Variants in TAMM41 observed in about 807,000 individuals in gnomAD.
TAMM41 encodes the protein TAM41 mitochondrial translocator assembly and maintenance homolog.
TAMM41 carries 36 observed loss-of-function variants against 44.1 expected under a neutral mutation model. The ratio of observed to expected loss-of-function variants is 0.82; its 90% CI spans 0.63 to 1.08. The LOEUF is 1.08. Among genes scored for constraint, TAMM41 ranks in the 50% least tolerant of loss-of-function variants. The probability of loss-of-function intolerance (pLI) is 0.00; values close to 1 mark genes in which losing one functional copy is unlikely to be tolerated. For missense variants in TAMM41, 417 were observed against 404.3 expected, an observed-to-expected ratio of 1.03 and a Z score of -0.27; for synonymous variants, 164 against 153.1, an observed-to-expected ratio of 1.07 and a Z score of -0.53.
At chr3:11,752,803 C>T in the TAMM41 span, among the ~76,000 whole-genome samples, 1 of 151,714 alleles carries the variant, frequency 6.6e-6, no homozygotes, top group African/African-American at 2.4e-5. Flanking sequence ...CGCATGCCAC[C>T]ATGGCTGGTT....
At chr3:11,778,190 G>T in the TAMM41 span, among the ~76,000 whole-genome samples, 27 of 152,110 alleles carry the variant, frequency 1.8e-4, no homozygotes, top group African/African-American at 6.5e-4. Flanking sequence ...ATATATACCT[G>T]GGAGTAGAAT....
chr3:11,754,202 G>GAA, the TAMM41 span, among the ~76,000 whole-genome samples: 2 of 151,866 alleles, frequency 1.3e-5, no homozygotes, highest in African/African-American at 4.8e-5. Flanking sequence ...CAAAACTTGC[G>GAA]CAAAGCCACC....
chr3:11,745,940 A>AC, the TAMM41 span, among the ~76,000 whole-genome samples: 1 of 152,344 alleles, frequency 6.6e-6, no homozygotes, highest in Admixed American at 6.5e-5. Context: ...GCCTGACAAT[A>AC]CCAAGTGTTG....
chr3:11,725,533 G>C, the TAMM41 span, among the ~76,000 whole-genome samples: 6 of 151,484 alleles, frequency 4.0e-5, no homozygotes, highest in African/African-American at 1.5e-4. Flanking sequence ...TAACCTCCTA[G>C]GCTCAGGTGA....
chr3:11,792,593 GAA>G (rs933006274), intron 7 of TAMM41, among the ~76,000 whole-genome samples: 10 of 152,296 alleles, frequency 6.6e-5, no homozygotes, highest in African/African-American at 1.9e-4. Flanking sequence ...AGATCAGAAT[GAA>G]GAGTCTTTTC....
chr3:11,825,839 T>C (rs981375212), intron 4 of TAMM41, among the ~76,000 whole-genome samples: 1 of 152,132 alleles, frequency 6.6e-6, no homozygotes, highest in Admixed American at 6.6e-5. Context: ...TTGCCCAGGC[T>C]GGAGTGCAGT....
chr3:11,740,092 C>CAAA, the TAMM41 span, among the ~76,000 whole-genome samples: 67 of 151,342 alleles, frequency 4.4e-4, no homozygotes, highest in South Asian at 8.4e-4. Flanking sequence ...CAAAACAAAA[C>CAAA]AAAAAAAACA....
At chr3:11,821,167 T>C (rs2078504223) in intron 4 of TAMM41, among the ~76,000 whole-genome samples, 1 of 152,322 alleles carries the variant, frequency 6.6e-6, no homozygotes, top group South Asian at 2.1e-4. Context: ...AATTTTTCCA[T>C]GGATGTGGGT....
At chr3:11,755,653 T>A in the TAMM41 span, among the ~76,000 whole-genome samples, 19 of 152,248 alleles carry the variant, frequency 1.2e-4, no homozygotes, top group African/African-American at 4.6e-4. Context: ...ATGACCCACA[T>A]GCACCGGATG....
chr3:11,729,649 C>T, the TAMM41 span, among the ~76,000 whole-genome samples: 2 of 147,642 alleles, frequency 1.4e-5, no homozygotes, highest in African/African-American at 5.0e-5. Flanking sequence ...CAACCTCCAC[C>T]TCCTGGTTCA....
At chr3:11,826,530 C>CAAAAA (rs11388352) in intron 4 of TAMM41, among the ~76,000 whole-genome samples, 9 of 62,214 alleles carry the variant, frequency 1.4e-4, no homozygotes, top group Admixed American at 4.2e-4. Flanking sequence ...CCTTGTCTCT[C>CAAAAA]AAAAAAAAAA....
the TAMM41 span, among the ~76,000 whole-genome samples, chr3:11,735,442 T>C: frequency 6.6e-6 from 1 of 151,936 alleles, no homozygotes; most frequent in Admixed American, 6.6e-5. Context: ...GAGACCAACC[T>C]GGGCAACATG....
the TAMM41 span, among the ~76,000 whole-genome samples, chr3:11,729,368 G>A: frequency 3.3e-5 from 5 of 151,906 alleles, no homozygotes; most frequent in East Asian, 9.7e-4. Flanking sequence ...GAATTTGGCC[G>A]CTGCTGTCAG....
At chr3:11,750,120 T>C in the TAMM41 span, among the ~76,000 whole-genome samples, 1 of 151,842 alleles carries the variant, frequency 6.6e-6, no homozygotes, top group Non-Finnish European at 1.5e-5. Flanking sequence ...ATGGTCTCGA[T>C]CTCCTGACCT....
intron 7 of TAMM41, among the ~76,000 whole-genome samples, chr3:11,797,806 A>T (rs1053002224): frequency 6.6e-6 from 1 of 152,190 alleles, no homozygotes; most frequent in Non-Finnish European, 1.5e-5. Context: ...AAGAAAAAAA[A>T]CAAACAGCCC....
At chr3:11,786,164 C>T (rs1372599952), downstream of TAMM41, among the ~76,000 whole-genome samples, 1 of 152,024 alleles carries the variant, frequency 6.6e-6, no homozygotes, top group Non-Finnish European at 1.5e-5. Flanking sequence ...TGTGCAGCTT[C>T]TCTGCACGTA....
the TAMM41 span, among the ~76,000 whole-genome samples, chr3:11,732,547 G>A: frequency 4.6e-5 from 7 of 152,148 alleles, no homozygotes; most frequent in South Asian, 2.1e-4. Context: ...GAGATCATTC[G>A]AAATAGTGAA....
chr3:11,816,218 A>T (rs2078270764), intron 5 of TAMM41, among the ~76,000 whole-genome samples: 1 of 123,644 alleles, frequency 8.1e-6, no homozygotes, highest in Non-Finnish European at 1.6e-5. Context: ...ACATTAAAGG[A>T]AAAAAAAAAA....
At chr3:11,827,545 G>T (rs2078806011) in intron 4 of TAMM41, among the ~76,000 whole-genome samples, 1 of 149,306 alleles carries the variant, frequency 6.7e-6, no homozygotes, top group Admixed American at 6.7e-5. Context: ...CTGACCTCAA[G>T]TGATCTGCCT....
Sources: gnomAD v4.1 joint callset for allele counts (sites outside exome capture counted in the v4.1 genomes callset) on GRCh38, gnomAD v4.1.1 for gene constraint, MANE v1.5 for transcripts, NCBI Gene and HGNC (gene_info 2026-07-23, HGNC 2026-07-21) for gene names.